The following RPS6KC1 variants were observed in gnomAD, a reference collection of about 807,000 sequenced individuals.
RPS6KC1 encodes the protein ribosomal protein S6 kinase C1.
In RPS6KC1, 54 loss-of-function variants were observed where a neutral mutation model predicts 103.8. The observed-to-expected ratio is 0.52, with a 90% CI of 0.42 to 0.65. The LOEUF (loss-of-function observed/expected upper bound fraction) is 0.65. Among genes scored for constraint, RPS6KC1 ranks in the 30% least tolerant of loss-of-function variants. The pLI, the probability that RPS6KC1 is intolerant of heterozygous loss-of-function variation, is 0.00. For synonymous variants in RPS6KC1, 439 were observed against 438.7 expected, an observed-to-expected ratio of 1.00 and a Z score of -0.01; for missense variants, 1,151 against 1,253.8, an observed-to-expected ratio of 0.92 and a Z score of 1.24.
the RPS6KC1 span, among the ~76,000 whole-genome samples, chr1:213,416,350 G>T: frequency 6.6e-6 from 1 of 152,240 alleles, no homozygotes; most frequent in African/African-American, 2.4e-5. Context: ...TGATGGAAGT[G>T]TAACAGAGAA....
At chr1:213,710,283 C>CT in the RPS6KC1 span, among the ~76,000 whole-genome samples, 1 of 152,136 alleles carries the variant, frequency 6.6e-6, no homozygotes, top group African/African-American at 2.4e-5. Flanking sequence ...CCTTCTTTGT[C>CT]TTTTTTTATC....
At chr1:213,695,738 T>C in the RPS6KC1 span, among the ~76,000 whole-genome samples, 1 of 152,214 alleles carries the variant, frequency 6.6e-6, no homozygotes, top group Non-Finnish European at 1.5e-5. Flanking sequence ...AGGTTATTGA[T>C]TGTAGTTTTC....
chr1:213,549,915 G>A, the RPS6KC1 span, among the ~76,000 whole-genome samples: 1 of 151,986 alleles, frequency 6.6e-6, no homozygotes, highest in Non-Finnish European at 1.5e-5. Flanking sequence ...ACCACACCCA[G>A]GTTTGCTTCT....
the RPS6KC1 span, among the ~76,000 whole-genome samples, chr1:213,774,547 A>T: frequency 2.6e-5 from 4 of 152,214 alleles, no homozygotes; most frequent in African/African-American, 7.2e-5. Flanking sequence ...TAGAAGTAAA[A>T]ACAGAAGTAC....
the RPS6KC1 span, among the ~76,000 whole-genome samples, chr1:213,622,881 T>G: frequency 6.6e-6 from 1 of 152,156 alleles, no homozygotes; most frequent in African/African-American, 2.4e-5. Context: ...TTGACTTGGC[T>G]TCTAGGCAGT....
the RPS6KC1 span, among the ~76,000 whole-genome samples, chr1:213,646,731 C>T: frequency 6.6e-6 from 1 of 151,996 alleles, no homozygotes; most frequent in Non-Finnish European, 1.5e-5. Flanking sequence ...CCCATTGCCT[C>T]CCTGAGCTCT....
chr1:213,517,590 G>A, the RPS6KC1 span, among the ~76,000 whole-genome samples: 2 of 152,332 alleles, frequency 1.3e-5, no homozygotes, highest in Admixed American at 1.3e-4. Flanking sequence ...TGTGGTCTGA[G>A]AGACAGTTTG....
At chr1:213,706,865 A>T in the RPS6KC1 span, among the ~76,000 whole-genome samples, 3 of 152,162 alleles carry the variant, frequency 2.0e-5, no homozygotes, top group African/African-American at 4.8e-5. Flanking sequence ...ATGTCCCTGC[A>T]AAGGACATGA....
chr1:213,844,572 A>G, the RPS6KC1 span, among the ~76,000 whole-genome samples: 1 of 152,232 alleles, frequency 6.6e-6, no homozygotes, highest in Non-Finnish European at 1.5e-5. Context: ...GTTTGCTTTT[A>G]TTAACTATGT....
the RPS6KC1 span, among the ~76,000 whole-genome samples, chr1:213,361,854 T>C: frequency 1.3e-5 from 2 of 152,192 alleles, 1 homozygote; most frequent in South Asian, 4.1e-4. Flanking sequence ...TGTTACTCTT[T>C]TGAAACAAAC....
At chr1:213,415,979 G>A in the RPS6KC1 span, among the ~76,000 whole-genome samples, 279 of 152,308 alleles carry the variant, frequency 1.8e-3, no homozygotes, top group African/African-American at 6.4e-3. Flanking sequence ...GGAAATTGAC[G>A]GAGAAGCTCT....
chr1:213,827,345 C>G, the RPS6KC1 span, among the ~76,000 whole-genome samples: 1 of 152,168 alleles, frequency 6.6e-6, no homozygotes, highest in African/African-American at 2.4e-5. Context: ...CTGCAACAAC[C>G]TTAACTTTTA....
chr1:213,424,153 C>T, the RPS6KC1 span, among the ~76,000 whole-genome samples: 1 of 152,194 alleles, frequency 6.6e-6, no homozygotes, highest in Non-Finnish European at 1.5e-5. Context: ...AACCTATTGG[C>T]AAGACCAATT....
rs11120087 is a variant in RPS6KC1 at position 213,091,422 on chromosome 1, T to C, written c.263-13032T>C. 7.0e-3 allele frequency among the ~76,000 whole-genome samples: 1,066 copies of C among 152,250 alleles called. 14 individuals are homozygous for C. Among genetic ancestry groups the C allele is most frequent in the African/African-American group, 0.024 (1,010 of 41,540 alleles). ...AGGTATTCTTTGATACACCAAAACT[T>C]GATGTGTGGTAATTTCATAAAGGCT... On this transcript the variant is annotated intron_variant, in intron 3 of 14. Coordinates refer to ENST00000366960, the MANE Select transcript of RPS6KC1 (RefSeq NM_012424.6).
At chr1:213,853,527 T>C in the RPS6KC1 span, among the ~76,000 whole-genome samples, 698 of 152,356 alleles carry the variant, frequency 4.6e-3, 7 homozygotes, top group African/African-American at 0.016. Context: ...GCATACTCCA[T>C]GCTGTGAGAA....
At chr1:213,185,711 CTTTAT>C (rs1168201047) in intron 8 of RPS6KC1, among the ~76,000 whole-genome samples, 1 of 151,608 alleles carries the variant, frequency 6.6e-6, no homozygotes, top group Non-Finnish European at 1.5e-5. Context: ...TAAGGACTTA[CTTTAT>C]TTTAACAATC....
At chr1:213,319,237 C>T in the RPS6KC1 span, among the ~76,000 whole-genome samples, 11 of 135,012 alleles carry the variant, frequency 8.1e-5, no homozygotes, top group Admixed American at 1.7e-4. Flanking sequence ...AGCTTGAACC[C>T]GGGAGGTGGA....
chr1:213,397,759 G>A, the RPS6KC1 span, among the ~76,000 whole-genome samples: 1 of 152,204 alleles, frequency 6.6e-6, no homozygotes, highest in Non-Finnish European at 1.5e-5. Context: ...GCTTCAAAGA[G>A]CTAGGCAGGA....
At chr1:213,285,885 G>A in the RPS6KC1 span, among the ~76,000 whole-genome samples, 6 of 152,310 alleles carry the variant, frequency 3.9e-5, no homozygotes, top group East Asian at 1.9e-4. Flanking sequence ...AGAGAGCACC[G>A]TCTTTGAAGC....
Sources: gnomAD v4.1 joint callset for allele counts (sites outside exome capture counted in the v4.1 genomes callset) on GRCh38, gnomAD v4.1.1 for gene constraint, MANE v1.5 for transcripts, NCBI Gene and HGNC (gene_info 2026-07-23, HGNC 2026-07-21) for gene names.